Variants in SIPA1L1 observed in about 807,000 individuals in gnomAD.
SIPA1L1 encodes the protein signal-induced proliferation-associated 1-like protein 1.
In SIPA1L1, 26 loss-of-function variants were observed where a neutral mutation model predicts 162.7. The ratio of observed to expected loss-of-function variants is 0.16; its 90% CI spans 0.12 to 0.22. The LOEUF is 0.22. Ranked by LOEUF, SIPA1L1 falls within the 10% of genes least tolerant of loss-of-function variation. The pLI, the probability that SIPA1L1 is intolerant of heterozygous loss-of-function variation, is 1.00. For missense variants in SIPA1L1, 1,874 were observed against 2,241.0 expected (o/e 0.84, Z 3.31); for synonymous variants, 829 against 837.4 (o/e 0.99, Z 0.17).
At chr14:71,363,887 T>G (rs1382687714) in intron 2 of SIPA1L1, among the ~76,000 whole-genome samples, 1 of 152,178 alleles carries the variant, frequency 6.6e-6, no homozygotes, top group Non-Finnish European at 1.5e-5. Flanking sequence ...AATCAGATCC[T>G]GTAATTACTT....
intron 2 of SIPA1L1, among the ~76,000 whole-genome samples, chr14:71,391,103 C>CTTTTTTTTTTTT: frequency 9.2e-6 from 1 of 108,460 alleles, no homozygotes; most frequent in Non-Finnish European, 1.8e-5. Context: ...TATTCAGTAT[C>CTTTTTTTTTTTT]TTTTTTTTTT....
chr14:71,449,474 T>C (rs1004908235), intron 2 of SIPA1L1, among the ~76,000 whole-genome samples: 2 of 152,182 alleles, frequency 1.3e-5, no homozygotes, highest in Non-Finnish European at 2.9e-5. Flanking sequence ...TCCCTTTTCT[T>C]GTCTTTAAGA....
At chr14:71,382,970 A>C (rs544993656) in intron 2 of SIPA1L1, among the ~76,000 whole-genome samples, 41 of 152,252 alleles carry the variant, frequency 2.7e-4, no homozygotes, top group African/African-American at 9.6e-4. Context: ...CCCAATGAAT[A>C]GAGGGAGTGA....
chr14:71,709,261 C>T lies in SIPA1L1; in HGVS notation c.3805C>T (p.Leu1269Phe). The T allele has an allele frequency of 1.2e-6, 2 of 1,614,188 alleles. No individual in the cohort carries two copies. Among genetic ancestry groups the T allele is most frequent in the Non-Finnish European group, 1.7e-6 (2 of 1,180,034 alleles). ...HYSSHSSSNT[L>F]SSNASSAHSD... Reference sequence around the variant, plus strand: ...CTCGAGCCACTCCAGTAGCAATACTCTCTCCAGCAATGCGTCAAGTGCCCA... The same window carrying T: ...CTCGAGCCACTCCAGTAGCAATACTTTCTCCAGCAATGCGTCAAGTGCCCA... The change falls in exon 17 of 24, where the codon CTC becomes TTC. Residue 1269 changes from leucine (L) to phenylalanine (F), a missense_variant. Leu to Phe is a conservative substitution (Grantham distance 22). Around this residue, in one of 5 missense-constraint regions of SIPA1L1, gnomAD observed 936 missense variants for 1,051.9 expected, o/e 0.89. Coordinates refer to ENST00000381232, the MANE Select transcript of SIPA1L1 (RefSeq NM_001386936.1).
chr14:71,446,906 G>GTTTTTTTTTTTTTTTTTTTTTTTTTTTT (rs1189940440), intron 2 of SIPA1L1, among the ~76,000 whole-genome samples: 4 of 53,244 alleles, frequency 7.5e-5, no homozygotes, highest in African/African-American at 8.4e-5. Context: ...TTTTTTTTTT[G>GTTTTTTTTTTTTTTTTTTTTTTTTTTTT]TTTTTTTTTT....
intron 5 of SIPA1L1, among the ~76,000 whole-genome samples, chr14:71,603,280 A>G (rs1172835413): frequency 6.6e-6 from 1 of 152,002 alleles, no homozygotes; most frequent in African/African-American, 2.4e-5. Context: ...TGGATCATAT[A>G]TATATTTTTT....
chr14:71,684,683 G>C (rs1269602834), intron 12 of SIPA1L1, among the ~76,000 whole-genome samples: 1 of 151,832 alleles, frequency 6.6e-6, no homozygotes, highest in Non-Finnish European at 1.5e-5. Flanking sequence ...TCAGAGCCCA[G>C]TCACGATGTG....
chr14:71,680,032 G>A (rs2149488810), intron 12 of SIPA1L1, among the ~76,000 whole-genome samples: 1 of 152,264 alleles, frequency 6.6e-6, no homozygotes, highest in South Asian at 2.1e-4. Flanking sequence ...GAGACAGAAA[G>A]TTAACAAGGA....
At chr14:71,616,760 G>T (rs942395441) in intron 5 of SIPA1L1, among the ~76,000 whole-genome samples, 30 of 152,208 alleles carry the variant, frequency 2.0e-4, no homozygotes, top group African/African-American at 7.0e-4. Context: ...GGTTACCAGA[G>T]AATAGAGCAT....
chr14:71,407,499 T>TTCCCTCCCTCCCTTCCCTCCTTCCC (rs149510626), intron 2 of SIPA1L1, among the ~76,000 whole-genome samples: 54 of 131,360 alleles, frequency 4.1e-4, no homozygotes, highest in African/African-American at 1.5e-3. Flanking sequence ...CCTTCCTTCC[T>TTCCCTCCCTCCCTTCCCTCCTTCCC]TCCCTCCCTT....
At chr14:71,432,851 C>A (rs1397946931) in intron 2 of SIPA1L1, among the ~76,000 whole-genome samples, 1 of 152,082 alleles carries the variant, frequency 6.6e-6, no homozygotes, top group Non-Finnish European at 1.5e-5. Context: ...TTTATATGCC[C>A]CTGATTTGTA....
intron 17 of SIPA1L1, among the ~76,000 whole-genome samples, chr14:71,715,162 C>A (rs2083171252): frequency 6.6e-6 from 1 of 152,198 alleles, no homozygotes; most frequent in Non-Finnish European, 1.5e-5. Flanking sequence ...GCTCTCTACC[C>A]CCAGGCAAGT....
At chr14:71,347,351 C>G (rs1372766148) in intron 2 of SIPA1L1, among the ~76,000 whole-genome samples, 1 of 152,116 alleles carries the variant, frequency 6.6e-6, no homozygotes, top group Admixed American at 6.5e-5. Context: ...TTTGTCTTGT[C>G]AAGTAATATT....
intron 10 of SIPA1L1, among the ~76,000 whole-genome samples, chr14:71,668,223 C>G (rs565887437): frequency 4.8e-4 from 73 of 152,110 alleles, no homozygotes; most frequent in Non-Finnish European, 9.4e-4. Context: ...CCATGTGACC[C>G]ATGTGAATGG....
intron 7 of SIPA1L1, among the ~76,000 whole-genome samples, chr14:71,632,288 C>G (rs1251404654): frequency 6.6e-6 from 1 of 152,242 alleles, no homozygotes; most frequent in Non-Finnish European, 1.5e-5. Context: ...GCTCATATAT[C>G]CCAGTCTTGG....
At chr14:71,387,557 G>A (rs1362225953) in intron 2 of SIPA1L1, among the ~76,000 whole-genome samples, 3 of 152,206 alleles carry the variant, frequency 2.0e-5, no homozygotes, top group Non-Finnish European at 4.4e-5. Context: ...TGTGGCTTCT[G>A]TAGGTGTTTA....
At chr14:71,565,188 A>G (rs1437878893) in intron 4 of SIPA1L1, among the ~76,000 whole-genome samples, 1 of 152,186 alleles carries the variant, frequency 6.6e-6, no homozygotes, top group Non-Finnish European at 1.5e-5. Flanking sequence ...TTCCATTCAC[A>G]TGATCTCTCC....
intron 19 of SIPA1L1, among the ~76,000 whole-genome samples, chr14:71,728,670 T>C (rs2084461146): frequency 6.6e-6 from 1 of 152,236 alleles, no homozygotes; most frequent in East Asian, 1.9e-4. Flanking sequence ...AATCATTCTC[T>C]CTCTGCCCCT....
At position 71,685,503 on chromosome 14, in the gene SIPA1L1, G is replaced by A. The variant is rs780788529; in HGVS notation, c.3246G>A (p.Pro1082=). ...AGGGGCCTCATTCACCTCAAGTCCC[G>A]TCCCAGGTGCAGAGTCCCATGACCT... The part of the protein sequence containing the change: ...ASKGPHSPQV[P]SQVQSPMTSR... The change falls in exon 13 of 24, where the codon CCG becomes CCA. Residue 1082 remains proline, a synonymous_variant. Transcript: ENST00000381232. 12 of 1,614,026 alleles carry A rather than the reference G, an allele frequency of 7.4e-6. No individual in the cohort carries two copies. Among genetic ancestry groups the A allele is most frequent in the African/African-American group, 5.3e-5 (4 of 74,910 alleles).
Sources: allele counts gnomAD v4.1 joint callset (sites outside exome capture counted in the v4.1 genomes callset), GRCh38; gene constraint gnomAD v4.1.1; regional missense constraint gnomAD v4.1.1; transcripts MANE v1.5; gene names NCBI Gene and HGNC (gene_info 2026-07-23, HGNC 2026-07-21).